ATP1A3: variants seen among roughly 807,000 people sequenced by gnomAD.
ATP1A3 encodes the protein sodium/potassium-transporting ATPase subunit alpha-3.
In ATP1A3, 12 loss-of-function variants were observed where a neutral mutation model predicts 108.8. The ratio of observed to expected loss-of-function variants is 0.11; its 90% CI spans 0.07 to 0.18. ATP1A3 has a LOEUF of 0.18. Among genes scored for constraint, ATP1A3 ranks in the 10% least tolerant of loss-of-function variants. The probability of loss-of-function intolerance (pLI) is 1.00; values close to 1 mark genes in which losing one functional copy is unlikely to be tolerated. For missense variants in ATP1A3, 498 were observed against 1,387.7 expected (o/e 0.36, Z 10.19); for synonymous variants, 539 against 564.5 (o/e 0.95, Z 0.64).
At chr19:41,989,189 T>G (rs1555866561) in intron 1 of ATP1A3, among the ~76,000 whole-genome samples, 3 of 152,098 alleles carry the variant, frequency 2.0e-5, no homozygotes, top group African/African-American at 7.2e-5. Flanking sequence ...ATCCTCCTGC[T>G]TTAGCCTCCC....
At chr19:41,975,485 A>G in intron 16 of ATP1A3, 144 bp downstream of exon 16, 1 of 1,263,840 alleles carries the variant, frequency 7.9e-7, no homozygotes, top group Non-Finnish European at 1.1e-6. Flanking sequence ...AGGAAGACAG[A>G]AAAGGACAGG....
Position 41,981,201 on chromosome 19 carries a change from C to T in ATP1A3, c.1437+301G>A, listed in dbSNP as rs782764094. 1.1e-4 allele frequency among the ~76,000 whole-genome samples: 17 copies of T among 151,798 alleles called. No individual in the cohort carries two copies. Among genetic ancestry groups the T allele is most frequent in the Non-Finnish European group, 2.4e-4 (16 of 67,960 alleles). On this transcript the variant is annotated intron_variant, in intron 11 of 22. Coordinates refer to ENST00000648268, the MANE Select transcript of ATP1A3 (RefSeq NM_152296.5). This position sits in a 1 kb window ranked among gnomAD's most constrained non-coding sequence, Gnocchi z 5.0. Reference sequence around the variant, plus strand: ...TTTCGTACAGATGGGGTTTTGCCATCTTGCCCAGGCTCGTCTCGAACTCCT... The same window carrying T: ...TTTCGTACAGATGGGGTTTTGCCATTTTGCCCAGGCTCGTCTCGAACTCCT...
chr19:41,975,916 C>A (rs917421210), intron 15 of ATP1A3, 119 bp from the exon 16 acceptor site: 15 of 1,364,990 alleles, frequency 1.1e-5, no homozygotes, highest in Non-Finnish European at 1.6e-5. Context: ...TTCAGGTCCC[C>A]AACCTCCTCT....
At position 41,988,213 on chromosome 19, in the gene ATP1A3, A is replaced by C. The variant is rs1426612072; in HGVS notation, c.154-74T>G. Reference sequence around the variant, plus strand: ...CCCCAGGCCTTCACCAGACCCCCAGAACTTAAGACACCAGCCACAGCCCCT... The same window carrying C: ...CCCCAGGCCTTCACCAGACCCCCAGCACTTAAGACACCAGCCACAGCCCCT... On this transcript the variant is annotated intron_variant, in intron 3 of 22. Coordinates refer to ENST00000648268, the MANE Select transcript of ATP1A3 (RefSeq NM_152296.5). The surrounding 1 kb of genome is among the most constrained non-coding windows in gnomAD (Gnocchi z 5.3). 1.2e-6 allele frequency: 2 copies of C among 1,612,204 alleles called. No individual in the cohort carries two copies. Among genetic ancestry groups the C allele is most frequent in the Admixed American group, 1.7e-5 (1 of 60,010 alleles).
Position 41,967,604 on chromosome 19 carries a change from G to T in ATP1A3, c.2921+58C>A. The T allele has an allele frequency of 6.4e-7, 1 of 1,571,976 alleles. No homozygotes were observed. Among genetic ancestry groups the T allele is most frequent in the Non-Finnish European group, 8.7e-7 (1 of 1,147,160 alleles). ...GGCCTGAGGTTCAGGCTGAGTCTAA[G>T]GGAAGGCTCCATGGCAGGCGCTGGT... On this transcript the variant is annotated intron_variant, in intron 21 of 22. Transcript: ENST00000648268. This position sits in a 1 kb window ranked among gnomAD's most constrained non-coding sequence, Gnocchi z 4.2.
At chr19:41,991,183 A>C (rs530931695) in intron 1 of ATP1A3, among the ~76,000 whole-genome samples, 84 of 152,336 alleles carry the variant, frequency 5.5e-4, no homozygotes, top group African/African-American at 1.9e-3. Flanking sequence ...CCGCAGGCCC[A>C]GGGCCAAGCT....
At position 41,966,589 on chromosome 19, in the gene ATP1A3, T is replaced by C. The variant is rs1555858458; in HGVS notation, c.*348A>G. The C allele has an allele frequency of 1.4e-6, 2 of 1,400,380 alleles. No individual in the cohort carries two copies. The highest frequency in any genetic ancestry group is 1.9e-4 in the Middle Eastern group (1 of 5,206). 86.7% of individuals were successfully genotyped at this position (1,400,380 alleles called of 1,614,324 possible). On this transcript the variant is annotated 3_prime_UTR_variant, in exon 23 of 23. Transcript: ENST00000648268. ...GCACAACACACACACCGCTTCTCTC[T>C]CCCCACTGATATATTTGATAATTGT...
intron 14 of ATP1A3, among the ~76,000 whole-genome samples, chr19:41,976,787 TTTATTTATTTATTTA>T (rs1555861477): frequency 6.6e-6 from 1 of 151,780 alleles, no homozygotes; most frequent in African/African-American, 2.4e-5. Flanking sequence ...AGTGGATTTA[TTTATTTATTTATTTA>T]TTATTTATTT....
chr19:41,974,060 A>T (rs1435711967), intron 16 of ATP1A3, among the ~76,000 whole-genome samples: 1 of 152,136 alleles, frequency 6.6e-6, no homozygotes, highest in Non-Finnish European at 1.5e-5. Flanking sequence ...GTGAAACCCC[A>T]TCTCTACTAA....
chr19:41,983,541 GCAGCAAAGCAGC>G (rs2075255259), intron 8 of ATP1A3, among the ~76,000 whole-genome samples: 1 of 149,756 alleles, frequency 6.7e-6, no homozygotes, highest in East Asian at 1.9e-4. Context: ...GGTGAAGCTG[GCAGCAAAGCAGC>G]CAGAGAAAAA....
At chr19:41,972,199 G>A (rs924436667) in intron 16 of ATP1A3, among the ~76,000 whole-genome samples, 4 of 151,940 alleles carry the variant, frequency 2.6e-5, no homozygotes, top group Middle Eastern at 3.2e-3. Flanking sequence ...GCAGTGAGCC[G>A]CAATTGTGCC....
chr19:41,977,028 G>A (rs1432811877), intron 14 of ATP1A3, among the ~76,000 whole-genome samples: 1 of 151,484 alleles, frequency 6.6e-6, no homozygotes, highest in Admixed American at 6.6e-5. Flanking sequence ...GGCTGCTCTC[G>A]AACTCCTGAC....
chr19:41,982,824 T>C (rs2075248324), intron 8 of ATP1A3, among the ~76,000 whole-genome samples: 2 of 152,192 alleles, frequency 1.3e-5, no homozygotes, highest in Admixed American at 6.5e-5. Context: ...ATTCCGTTAA[T>C]AGGAAGTTTG....
intron 14 of ATP1A3, 32 bp from the exon 15 acceptor site, chr19:41,976,598 T>C: frequency 6.2e-7 from 1 of 1,612,684 alleles, no homozygotes; most frequent in Non-Finnish European, 8.5e-7. Flanking sequence ...ATGGCTGAGG[T>C]CAGGGTGTGT....
intron 1 of ATP1A3, chr19:41,993,501 GCACACACACACACACA>G (rs4060828): frequency 1.7e-4 from 113 of 678,330 alleles, no homozygotes; most frequent in East Asian, 4.3e-4. Context: ...TGCGGAGCCT[GCACACACACACACACA>G]CACACACACA....
At position 41,994,056 on chromosome 19, in the gene ATP1A3, C is replaced by T; in HGVS notation, c.6+15G>A. On this transcript the variant is annotated intron_variant, in intron 1 of 22. Transcript: ENST00000648268. ...ATGTCACACGGAAGCGGCGCCCAGC[C>T]GGCTCAGCACCTACCCCCATCTTGG... The T allele has an allele frequency of 6.2e-7, 1 of 1,608,434 alleles. No individual in the cohort carries two copies. The highest frequency in any genetic ancestry group is 8.5e-7 in the Non-Finnish European group (1 of 1,177,936).
chr19:41,968,731 G>A lies in ATP1A3; in HGVS notation c.2819+54C>T. 1 of 1,611,076 alleles carries A rather than the reference G, an allele frequency of 6.2e-7. No individual in the cohort carries two copies. The highest frequency in any genetic ancestry group is 8.5e-7 in the Non-Finnish European group (1 of 1,178,062). Reference sequence around the variant, plus strand: ...ACAAGAGGAAGTACACAGACAGACAGACACTCGGACAGGACAGATGGCTGT... The same window carrying A: ...ACAAGAGGAAGTACACAGACAGACAAACACTCGGACAGGACAGATGGCTGT... On this transcript the variant is annotated intron_variant, in intron 20 of 22. Transcript: ENST00000648268. This position sits in a 1 kb window ranked among gnomAD's most constrained non-coding sequence, Gnocchi z 5.0.
Position 41,988,212 on chromosome 19 carries a change from G to T in ATP1A3, c.154-73C>A. 1 of 1,612,270 alleles carries T rather than the reference G, an allele frequency of 6.2e-7. No individual in the cohort carries two copies. The highest frequency in any genetic ancestry group is 1.1e-5 in the South Asian group (1 of 91,024). Reference sequence around the variant, plus strand: ...ACCCCAGGCCTTCACCAGACCCCCAGAACTTAAGACACCAGCCACAGCCCC... The same window carrying T: ...ACCCCAGGCCTTCACCAGACCCCCATAACTTAAGACACCAGCCACAGCCCC... On this transcript the variant is annotated intron_variant, in intron 3 of 22. Transcript: ENST00000648268. The surrounding 1 kb of genome is among the most constrained non-coding windows in gnomAD (Gnocchi z 5.3).
chr19:41,992,476 G>A (rs1287791564), intron 1 of ATP1A3, among the ~76,000 whole-genome samples: 3 of 152,072 alleles, frequency 2.0e-5, no homozygotes, highest in Non-Finnish European at 2.9e-5. Context: ...TCTGCGCCTG[G>A]GCCGGCCTCC....
Sources: gnomAD v4.1 joint callset for allele counts (sites outside exome capture counted in the v4.1 genomes callset) on GRCh38, gnomAD v4.1.1 for gene constraint, Gnocchi (gnomAD v3.1) non-coding constraint, MANE v1.5 for transcripts, NCBI Gene and HGNC (gene_info 2026-07-23, HGNC 2026-07-21) for gene names.